Variants in IL2RB observed in about 807,000 individuals in gnomAD.
The protein encoded by IL2RB is interleukin 2 receptor subunit beta.
In IL2RB, 17 loss-of-function variants were observed where a neutral mutation model predicts 44.2. That is an observed-to-expected ratio of 0.38 (90% CI 0.26 to 0.58). IL2RB has a LOEUF of 0.58. Ranked by LOEUF, IL2RB falls within the 20% of genes least tolerant of loss-of-function variation. IL2RB has a pLI of 0.63. For synonymous variants in IL2RB, 286 were observed against 297.9 expected, an observed-to-expected ratio of 0.96 and a Z score of 0.41; for missense variants, 624 against 685.5, an observed-to-expected ratio of 0.91 and a Z score of 1.00.
In IL2RB at chr22:37,140,286, CATTATTATTATTATTATTATTATTATT is replaced by C. The variant is rs58127106; in HGVS notation, c.283-1091_283-1065del. ...AGATTTTCCCCGATGATAGTAGTCT[CATTATTATTATTATTATTATTATTATT>C]ATTATTATTATTATTACTATTATTG... On this transcript the variant is annotated intron_variant, in intron 4 of 9. Coordinates refer to ENST00000216223, the MANE Select transcript of IL2RB (RefSeq NM_000878.5). 1.2e-3 allele frequency among the ~76,000 whole-genome samples: 172 copies of C among 145,488 alleles called. 1 individual carries two copies. The highest frequency in any genetic ancestry group is 4.2e-3 in the African/African-American group (169 of 40,082).
Position 37,127,951 on chromosome 22 carries a change from A to T in IL2RB, c.*145T>A. The T allele has an allele frequency of 1.8e-6, 1 of 564,494 alleles. No homozygotes were observed. The highest frequency in any genetic ancestry group is 2.8e-6 in the Non-Finnish European group (1 of 353,472). The allele number at this position is 564,494 out of a possible 1,614,324, so 35.0% of individuals were successfully genotyped here. ...GAAATGGATGGACCAAGTGTGCAGG[A>T]CTGGGTGGGGGCCATCCGGGTGGAG... is the stretch of plus-strand genomic sequence containing the variant. On this transcript the variant is annotated 3_prime_UTR_variant, in exon 10 of 10. Transcript: ENST00000216223.
In IL2RB at chr22:37,172,532, G is replaced by A. The variant is rs188324366; in HGVS notation, c.-34+2426C>T. On this transcript the variant is annotated intron_variant, in intron 1 of 5. Coordinates refer to the IL2RB transcript ENST00000429622. ...GGGGTAAGGGGCTGAGGTTTTGGGG[G>A]TGGGCAGTGGCGAGGGGTCCCTGGA... 2.1e-4 allele frequency among the ~76,000 whole-genome samples: 32 copies of A among 152,246 alleles called. No individual in the cohort carries two copies. In the East Asian group the frequency reaches 6.2e-3, roughly 29 times the overall value.
At chr22:37,165,178 T>G (rs1323343712) in intron 1 of IL2RB, among the ~76,000 whole-genome samples, 5 of 152,226 alleles carry the variant, frequency 3.3e-5, no homozygotes, top group Non-Finnish European at 7.3e-5. Context: ...AGGTGATAAG[T>G]GTCAGAGATG....
chr22:37,142,365 C>A, intron 4 of IL2RB, 69 bp downstream of exon 4: 1 of 1,437,234 alleles, frequency 7.0e-7, no homozygotes, highest in Non-Finnish European at 9.8e-7. Context: ...TCCGGCCCAC[C>A]CTGAGATCGC....
intron 1 of IL2RB, 32 bp from the exon 2 acceptor site, chr22:37,144,237 T>A: frequency 6.6e-7 from 1 of 1,516,868 alleles, no homozygotes; most frequent in Non-Finnish European, 8.9e-7. Context: ...AGAGCACACG[T>A]AAATACACAT....
chr22:37,137,878 T>C (rs1043867397), intron 5 of IL2RB, 143 bp from the exon 6 acceptor site: 4 of 665,698 alleles, frequency 6.0e-6, no homozygotes, highest in Non-Finnish European at 1.0e-5. Context: ...CCTCACTGCC[T>C]CCAGGCCTCT....
chr22:37,165,680 AAATTTAATTT>A (rs113607423), intron 1 of IL2RB, among the ~76,000 whole-genome samples: 1 of 143,472 alleles, frequency 7.0e-6, no homozygotes, highest in Non-Finnish European at 1.5e-5. Flanking sequence ...CTTTTTTTAA[AAATTTAATTT>A]AATTTAATTT....
intron 9 of IL2RB, among the ~76,000 whole-genome samples, 177 bp from the exon 10 acceptor site, chr22:37,129,025 C>A (rs1403840001): frequency 1.3e-5 from 2 of 152,220 alleles, no homozygotes; most frequent in African/African-American, 2.4e-5. Flanking sequence ...CACCCACTGG[C>A]TTGGGGGCCC....
chr22:37,163,979 G>A (rs1922972647), intron 1 of IL2RB, among the ~76,000 whole-genome samples: 3 of 152,358 alleles, frequency 2.0e-5, no homozygotes, highest in Admixed American at 6.5e-5. Flanking sequence ...AGAGTGCCAT[G>A]GCTGCTGCTC....
chr22:37,129,213 G>A (rs1170309085), intron 9 of IL2RB, among the ~76,000 whole-genome samples: 1 of 152,218 alleles, frequency 6.6e-6, no homozygotes, highest in Non-Finnish European at 1.5e-5. Context: ...TCCTCAGACT[G>A]TCTAGTGGGC....
At chr22:37,166,816 C>T (rs1337082279) in intron 1 of IL2RB, 2 of 152,042 alleles carry the variant, frequency 1.3e-5, no homozygotes, top group African/African-American at 4.8e-5. Context: ...CCCCGGGAGT[C>T]GCAAGTGCCC....
chr22:37,138,694 G>A (rs228959), intron 5 of IL2RB, among the ~76,000 whole-genome samples: 2,886 of 152,322 alleles, frequency 0.019, 103 homozygotes, highest in African/African-American at 0.067. Flanking sequence ...GAAAGAGGAG[G>A]TACAAAGGGC....
chr22:37,130,220 T>C (rs541865372), intron 9 of IL2RB, among the ~76,000 whole-genome samples: 2 of 152,264 alleles, frequency 1.3e-5, no homozygotes, highest in East Asian at 3.9e-4. Context: ...TCGGGTGAGA[T>C]TCATGATACC....
chr22:37,142,410 T>C (rs1475029551), intron 4 of IL2RB, 24 bp downstream of exon 4: 6 of 1,609,298 alleles, frequency 3.7e-6, no homozygotes, highest in Middle Eastern at 3.3e-4. Context: ...CTCCCTGCAC[T>C]CTCTCCCTGG....
chr22:37,165,302 G>A (rs897746607), intron 1 of IL2RB, among the ~76,000 whole-genome samples: 2 of 152,234 alleles, frequency 1.3e-5, no homozygotes, highest in African/African-American at 4.8e-5. Context: ...CCGCATCTGT[G>A]CCTGCTCTGG....
chr22:37,146,059 TCTGA>T (rs1193334821), intron 1 of IL2RB, among the ~76,000 whole-genome samples: 6 of 152,172 alleles, frequency 3.9e-5, no homozygotes, highest in African/African-American at 1.4e-4. Context: ...TCTTCTCCTG[TCTGA>T]CTTTCAGTTC....
chr22:37,140,055 C>T (rs945132054), intron 4 of IL2RB, among the ~76,000 whole-genome samples: 3 of 152,142 alleles, frequency 2.0e-5, no homozygotes, highest in Non-Finnish European at 2.9e-5. Context: ...GGCAGCCCTG[C>T]GGGAGGAAGC....
chr22:37,165,116 A>G (rs1923023900), intron 1 of IL2RB, among the ~76,000 whole-genome samples: 1 of 152,230 alleles, frequency 6.6e-6, no homozygotes, highest in Non-Finnish European at 1.5e-5. Flanking sequence ...TTGCAGATGA[A>G]AAAACTGAGG....
At chr22:37,167,471 C>T (rs1923124304) in intron 1 of IL2RB, among the ~76,000 whole-genome samples, 2 of 152,254 alleles carry the variant, frequency 1.3e-5, no homozygotes, top group Admixed American at 1.3e-4. Flanking sequence ...TCCAGGCCTC[C>T]TCGCCATGGA....
Sources: gnomAD v4.1 joint callset for allele counts (sites outside exome capture counted in the v4.1 genomes callset) on GRCh38, gnomAD v4.1.1 for gene constraint, MANE v1.5 for transcripts, NCBI Gene and HGNC (gene_info 2026-07-23, HGNC 2026-07-21) for gene names.